DLGAP2: variants seen among roughly 807,000 people sequenced by gnomAD.
The protein encoded by DLGAP2 is disks large-associated protein 2.
DLGAP2 carries 26 observed loss-of-function variants against 100.3 expected under a neutral mutation model. The ratio of observed to expected loss-of-function variants is 0.26; its 90% CI spans 0.19 to 0.36. DLGAP2 has a LOEUF of 0.36. DLGAP2 is among the 10% of genes least tolerant of loss of function. The pLI is 1.00. For missense variants in DLGAP2, 1,858 were observed against 1,453.2 expected (o/e 1.28, Z -4.53); for synonymous variants, 886 against 630.1 (o/e 1.41, Z -6.08).
intron 2 of DLGAP2, among the ~76,000 whole-genome samples, chr8:1,254,503 T>G (rs1799126480): frequency 6.6e-6 from 1 of 152,144 alleles, no homozygotes; most frequent in Admixed American, 6.5e-5. Flanking sequence ...AGTTTGGAAG[T>G]GGCTCTCATG....
chr8:1,001,775 C>G (rs1362813052), intron 2 of DLGAP2, among the ~76,000 whole-genome samples: 2 of 152,144 alleles, frequency 1.3e-5, no homozygotes, highest in Non-Finnish European at 2.9e-5. Context: ...CTCCACTCCC[C>G]CAAATTTCCA....
At chr8:1,543,896 G>A (rs1223257562) in intron 4 of DLGAP2, among the ~76,000 whole-genome samples, 1 of 150,868 alleles carries the variant, frequency 6.6e-6, no homozygotes, top group African/African-American at 2.5e-5. Context: ...AATCTTTCAC[G>A]TCCTTTTTTT....
chr8:1,414,502 A>T (rs1367861147), intron 3 of DLGAP2, among the ~76,000 whole-genome samples: 1 of 152,176 alleles, frequency 6.6e-6, no homozygotes, highest in Non-Finnish European at 1.5e-5. Flanking sequence ...CAGGGTCCAC[A>T]CCAGAGCAGA....
intron 1 of DLGAP2, among the ~76,000 whole-genome samples, chr8:805,058 A>G (rs1563040915): frequency 1.3e-5 from 2 of 152,228 alleles, no homozygotes; most frequent in South Asian, 2.1e-4. Context: ...GGCGTGAGCT[A>G]CTGCTCCTGG....
chr8:1,313,558 T>TA (rs1800660820), intron 3 of DLGAP2, among the ~76,000 whole-genome samples: 1 of 152,184 alleles, frequency 6.6e-6, no homozygotes, highest in Non-Finnish European at 1.5e-5. Context: ...GGGTTCCTCA[T>TA]AAAGGTTTTT....
intron 1 of DLGAP2, among the ~76,000 whole-genome samples, chr8:829,545 T>C (rs912581706): frequency 6.6e-6 from 1 of 152,210 alleles, no homozygotes; most frequent in Non-Finnish European, 1.5e-5. Context: ...ATCATAAAGG[T>C]AAAAAGGACC....
At chr8:1,134,731 A>C (rs920264346) in intron 2 of DLGAP2, among the ~76,000 whole-genome samples, 5 of 152,204 alleles carry the variant, frequency 3.3e-5, no homozygotes, top group East Asian at 1.9e-4. Context: ...CAGGAAACTT[A>C]TTCATGGTGG....
intron 2 of DLGAP2, among the ~76,000 whole-genome samples, chr8:993,790 T>A (rs906672456): frequency 2.2e-5 from 1 of 46,228 alleles, no homozygotes; most frequent in Non-Finnish European, 6.0e-5. Context: ...TGATTGGCTT[T>A]TTTTTTTTTT....
intron 3 of DLGAP2, among the ~76,000 whole-genome samples, chr8:1,486,667 A>T (rs566397928): frequency 6.6e-6 from 1 of 152,246 alleles, no homozygotes; most frequent in Admixed American, 6.5e-5. Flanking sequence ...TGCTCTTCCA[A>T]CTCTAAATAA....
intron 3 of DLGAP2, among the ~76,000 whole-genome samples, chr8:1,345,905 A>C (rs945244385): frequency 6.6e-6 from 1 of 152,150 alleles, no homozygotes; most frequent in African/African-American, 2.4e-5. Context: ...AAACTCGGGG[A>C]CGTGAAGTGA....
chr8:1,351,866 C>CGGGTCCTG (rs1563100151), intron 3 of DLGAP2, among the ~76,000 whole-genome samples: 44 of 89,492 alleles, frequency 4.9e-4, no homozygotes, highest in East Asian at 9.3e-4. Flanking sequence ...AAAGGCCGTG[C>CGGGTCCTG]AGGTCCTGAC....
intron 3 of DLGAP2, among the ~76,000 whole-genome samples, chr8:1,425,598 C>T (rs373307401): frequency 6.6e-5 from 10 of 152,268 alleles, no homozygotes; most frequent in South Asian, 4.1e-4. Flanking sequence ...CTCCAGATCC[C>T]GGACAGCCTG....
intron 3 of DLGAP2, among the ~76,000 whole-genome samples, chr8:1,343,419 C>T (rs1270879564): frequency 6.6e-6 from 1 of 152,124 alleles, no homozygotes; most frequent in African/African-American, 2.4e-5. Flanking sequence ...TGGGGTCCAT[C>T]ATGTAGGCTT....
At chr8:1,312,462 A>G (rs867286147) in intron 3 of DLGAP2, among the ~76,000 whole-genome samples, 1 of 152,212 alleles carries the variant, frequency 6.6e-6, no homozygotes, top group Non-Finnish European at 1.5e-5. Flanking sequence ...TCCAAAATGT[A>G]CAAAGAACTC....
At chr8:1,437,448 C>T (rs1249825853) in intron 3 of DLGAP2, among the ~76,000 whole-genome samples, 3 of 152,178 alleles carry the variant, frequency 2.0e-5, no homozygotes, top group South Asian at 2.1e-4. Context: ...TGGTTTGTAG[C>T]GTAAGACGAT....
intron 3 of DLGAP2, among the ~76,000 whole-genome samples, chr8:1,482,431 TTTC>T (rs1453513965): frequency 6.6e-6 from 1 of 152,268 alleles, no homozygotes; most frequent in East Asian, 1.9e-4. Context: ...AATCATTGCA[TTTC>T]TTTTTAAAGA....
chr8:762,370 T>C (rs1443797006), intron 1 of DLGAP2, among the ~76,000 whole-genome samples: 2 of 152,236 alleles, frequency 1.3e-5, no homozygotes, highest in African/African-American at 4.8e-5. Context: ...ACGTCTTTGT[T>C]GCAGAGAAGT....
At chr8:1,343,929 G>C (rs1241986399) in intron 3 of DLGAP2, among the ~76,000 whole-genome samples, 1 of 152,192 alleles carries the variant, frequency 6.6e-6, no homozygotes, top group Non-Finnish European at 1.5e-5. Context: ...AGGTATATCA[G>C]GGCTTTCCCT....
intron 3 of DLGAP2, among the ~76,000 whole-genome samples, chr8:1,474,718 A>T (rs1798886237): frequency 1.3e-5 from 2 of 152,338 alleles, no homozygotes; most frequent in African/African-American, 4.8e-5. Context: ...TTAAAAGGTT[A>T]AAAATAACCT....
Sources: gnomAD v4.1 joint callset for allele counts (sites outside exome capture counted in the v4.1 genomes callset) on GRCh38, gnomAD v4.1.1 for gene constraint, MANE v1.5 for transcripts, NCBI Gene and HGNC (gene_info 2026-07-23, HGNC 2026-07-21) for gene names.